MAP3K5: variants seen among roughly 807,000 people sequenced by gnomAD.
The protein encoded by MAP3K5 is ASK-1.
MAP3K5 carries 56 observed loss-of-function variants against 158.7 expected under a neutral mutation model. The observed-to-expected ratio is 0.35, with a 90% CI of 0.28 to 0.44. MAP3K5 has a LOEUF of 0.44. Among genes scored for constraint, MAP3K5 ranks in the 20% least tolerant of loss-of-function variants. The pLI is 1.00. For missense variants in MAP3K5, 1,294 were observed against 1,674.8 expected (o/e 0.77, Z 3.97); for synonymous variants, 579 against 601.7 (o/e 0.96, Z 0.55).
intron 24 of MAP3K5, 56 bp downstream of exon 24, chr6:136,583,499 T>A: frequency 1.4e-6 from 2 of 1,451,652 alleles, no homozygotes; most frequent in Non-Finnish European, 1.9e-6. Flanking sequence ...TGTTTTATCT[T>A]ATTTTTCTAA....
chr6:136,707,560 G>A (rs12173453), intron 2 of MAP3K5, among the ~76,000 whole-genome samples: 49 of 151,484 alleles, frequency 3.2e-4, no homozygotes, highest in African/African-American at 1.1e-3. Flanking sequence ...AGGTACTTGG[G>A]GGGGGGGGGA....
intron 17 of MAP3K5, 62 bp from the exon 18 acceptor site, chr6:136,611,449 C>A: frequency 1.1e-6 from 1 of 894,194 alleles, no homozygotes; most frequent in Non-Finnish European, 1.8e-6. Context: ...CTGTTGTTGA[C>A]TTGGTAAGTC....
At chr6:136,761,546 T>C (rs747060374) in intron 1 of MAP3K5, among the ~76,000 whole-genome samples, 2 of 151,870 alleles carry the variant, frequency 1.3e-5, no homozygotes, top group African/African-American at 4.8e-5. Flanking sequence ...ACTACAGAAC[T>C]TGAAAGGGGA....
At chr6:136,621,246 T>C (rs1386651316) in intron 15 of MAP3K5, among the ~76,000 whole-genome samples, 3 of 152,186 alleles carry the variant, frequency 2.0e-5, no homozygotes, top group Non-Finnish European at 4.4e-5. Flanking sequence ...TCTTCACTTC[T>C]ATTACTGTTT....
At chr6:136,624,089 G>C (rs1200064765) in intron 14 of MAP3K5, among the ~76,000 whole-genome samples, 4 of 152,158 alleles carry the variant, frequency 2.6e-5, no homozygotes, top group African/African-American at 7.2e-5. Context: ...AATTACTCAA[G>C]AGGCTGAGGC....
At chr6:136,787,801 T>C (rs1050638878) in intron 1 of MAP3K5, among the ~76,000 whole-genome samples, 2 of 152,182 alleles carry the variant, frequency 1.3e-5, no homozygotes, top group Non-Finnish European at 2.9e-5. Flanking sequence ...GGATCTAATA[T>C]GAGGGACCAT....
At chr6:136,649,503 G>A (rs1032589865) in intron 11 of MAP3K5, among the ~76,000 whole-genome samples, 2 of 152,222 alleles carry the variant, frequency 1.3e-5, no homozygotes, top group African/African-American at 4.8e-5. Flanking sequence ...AAATGCATGT[G>A]TCCAAGCTTC....
intron 1 of MAP3K5, among the ~76,000 whole-genome samples, chr6:136,741,390 T>C (rs1782702194): frequency 6.6e-6 from 1 of 152,060 alleles, no homozygotes; most frequent in South Asian, 2.1e-4. Flanking sequence ...AAAATTGAAT[T>C]ATAGATAATG....
At chr6:136,784,348 A>G (rs1300644355) in intron 1 of MAP3K5, among the ~76,000 whole-genome samples, 1 of 152,108 alleles carries the variant, frequency 6.6e-6, no homozygotes, top group Non-Finnish European at 1.5e-5. Context: ...TTTCCGTCCG[A>G]TTTTCTAGTT....
In MAP3K5 at chr6:136,601,994, T is replaced by C; in HGVS notation, c.2680-15A>G. 1 of 1,608,212 alleles carries C rather than the reference T, an allele frequency of 6.2e-7. No individual in the cohort carries two copies. The highest frequency in any genetic ancestry group is 8.5e-7 in the Non-Finnish European group (1 of 1,177,116). On this transcript the variant is annotated splice_polypyrimidine_tract_variant and intron_variant, in intron 19 of 29. Coordinates refer to ENST00000359015, the MANE Select transcript of MAP3K5 (RefSeq NM_005923.4). ...AACATTCCCACCTAAGACATAAATATAAAAAGTGCAATGTGCCTTCTGAGT... is the reference window on the plus strand; with the variant it reads ...AACATTCCCACCTAAGACATAAATACAAAAAGTGCAATGTGCCTTCTGAGT...
At chr6:136,725,805 T>C (rs1781943047) in intron 1 of MAP3K5, among the ~76,000 whole-genome samples, 1 of 152,216 alleles carries the variant, frequency 6.6e-6, no homozygotes, top group African/African-American at 2.4e-5. Flanking sequence ...TTATGGTTTC[T>C]TCTAGAAGTT....
chr6:136,650,714 A>G (rs750644977), intron 11 of MAP3K5, among the ~76,000 whole-genome samples: 1 of 152,244 alleles, frequency 6.6e-6, no homozygotes, highest in Non-Finnish European at 1.5e-5. Flanking sequence ...TTTACAAAAG[A>G]GAAATATTCC....
intron 1 of MAP3K5, among the ~76,000 whole-genome samples, chr6:136,772,872 T>C (rs180983479): frequency 2.9e-4 from 44 of 152,278 alleles, no homozygotes; most frequent in African/African-American, 7.7e-4. Context: ...AATCTGGCCA[T>C]TGGGGACAGA....
chr6:136,761,688 C>T (rs140330245), intron 1 of MAP3K5, among the ~76,000 whole-genome samples: 588 of 152,278 alleles, frequency 3.9e-3, no homozygotes, highest in African/African-American at 0.011. Flanking sequence ...AGAGGGGCTG[C>T]GATGAGGCAG....
chr6:136,744,828 G>A (rs146417719), intron 1 of MAP3K5, among the ~76,000 whole-genome samples: 1 of 152,310 alleles, frequency 6.6e-6, no homozygotes, highest in African/African-American at 2.4e-5. Flanking sequence ...TTGGTCTGGG[G>A]TGTAGGGTGG....
intron 7 of MAP3K5, among the ~76,000 whole-genome samples, chr6:136,688,317 T>C (rs1780241178): frequency 6.6e-6 from 1 of 152,030 alleles, no homozygotes; most frequent in Admixed American, 6.6e-5. Context: ...ATACCTAATG[T>C]AGATGACGGG....
intron 25 of MAP3K5, among the ~76,000 whole-genome samples, chr6:136,576,368 G>A (rs977712528): frequency 6.6e-6 from 1 of 152,148 alleles, no homozygotes; most frequent in Non-Finnish European, 1.5e-5. Flanking sequence ...CTGGAGTACA[G>A]CAGTGCAATC....
At chr6:136,667,893 C>A (rs1779297582) in intron 8 of MAP3K5, among the ~76,000 whole-genome samples, 1 of 151,716 alleles carries the variant, frequency 6.6e-6, no homozygotes, top group Admixed American at 6.6e-5. Flanking sequence ...CCTTTAATAC[C>A]CCTGCTATCC....
chr6:136,707,735 G>A (rs574766608), intron 2 of MAP3K5, among the ~76,000 whole-genome samples: 91 of 152,350 alleles, frequency 6.0e-4, no homozygotes, highest in Admixed American at 5.9e-3. Context: ...TTTAAGGTGA[G>A]TGATATGTTC....
Sources: gnomAD v4.1 joint callset for allele counts (sites outside exome capture counted in the v4.1 genomes callset) on GRCh38, gnomAD v4.1.1 for gene constraint, MANE v1.5 for transcripts, NCBI Gene and HGNC (gene_info 2026-07-23, HGNC 2026-07-21) for gene names.